Variants in TIAM2 observed in about 807,000 individuals in gnomAD.
TIAM2 encodes rho guanine nucleotide exchange factor TIAM2.
In TIAM2, 80 loss-of-function variants were observed where a neutral mutation model predicts 152.9. The ratio of observed to expected loss-of-function variants is 0.52; its 90% confidence interval spans 0.44 to 0.63. TIAM2 has a LOEUF of 0.63. Among genes scored for constraint, TIAM2 ranks in the 30% least tolerant of loss-of-function variants. TIAM2 has a pLI of 0.00. For synonymous variants in TIAM2, 804 were observed against 838.0 expected (o/e 0.96, Z 0.70); for missense variants, 1,965 against 2,120.1 (o/e 0.93, Z 1.44).
At chr6:155,229,632 C>A (rs1247590065) in intron 15 of TIAM2, among the ~76,000 whole-genome samples, 1 of 152,250 alleles carries the variant, frequency 6.6e-6, no homozygotes, top group Non-Finnish European at 1.5e-5. Context: ...TAGTCTCAAG[C>A]ACATTCTGAG....
intron 1 of TIAM2, among the ~76,000 whole-genome samples, chr6:155,042,370 C>T (rs1005967208): frequency 2.0e-5 from 3 of 151,874 alleles, no homozygotes; most frequent in Non-Finnish European, 2.9e-5. Flanking sequence ...CTGAGGCGGG[C>T]GGATCACCTG....
At chr6:155,073,378 G>A (rs1777884939) in intron 1 of TIAM2, among the ~76,000 whole-genome samples, 2 of 151,986 alleles carry the variant, frequency 1.3e-5, no homozygotes, top group South Asian at 4.2e-4. Flanking sequence ...GGCCAGGCTG[G>A]TCTCTAACTC....
intron 14 of TIAM2, among the ~76,000 whole-genome samples, chr6:155,187,912 A>G (rs981752892): frequency 1.3e-5 from 2 of 152,178 alleles, no homozygotes; most frequent in Middle Eastern, 3.4e-3. Context: ...AGGTGTGGAA[A>G]GCAGCCTTGG....
chr6:155,177,609 A>G (rs1780787748), intron 10 of TIAM2, among the ~76,000 whole-genome samples: 1 of 152,242 alleles, frequency 6.6e-6, no homozygotes, highest in Non-Finnish European at 1.5e-5. Flanking sequence ...AATACAATCA[A>G]CTATGTTGAA....
rs924316999 is a variant in TIAM2, at chr6:155,213,170, G to A, written c.3168+1863G>A. Among the ~76,000 whole-genome samples, 17 of 152,286 alleles carry A rather than the reference G, an allele frequency of 1.1e-4. No homozygotes were observed. In the Middle Eastern group the frequency reaches 0.01, roughly 91 times the overall value. On this transcript the variant is annotated intron_variant, in intron 15 of 26. Coordinates refer to ENST00000682666, the MANE Select transcript of TIAM2 (RefSeq NM_012454.4). The surrounding 1 kb of genome is among the most constrained non-coding windows in gnomAD (Gnocchi z 4.2). ...GTGTTGTAGCTCTTTCAGCCCTGCC[G>A]TTAGGCAGGTCCCGAATTCTTGTCC...
intron 2 of TIAM2, among the ~76,000 whole-genome samples, chr6:155,098,638 A>G (rs1583188620): frequency 6.6e-6 from 1 of 152,226 alleles, no homozygotes; most frequent in East Asian, 1.9e-4. Context: ...ACTTTGAACA[A>G]AAGGGTAATT....
rs12660144 is a variant in TIAM2 at position 155,212,985 on chromosome 6, A to T, written c.3168+1678A>T. On this transcript the variant is annotated intron_variant, in intron 15 of 26. Transcript: ENST00000682666. Reference sequence around the variant, plus strand: ...CCTGCATCAGTACCTGGAAGCTTGGAGATGCCAGGAACCGCTGAGCCCCAA... The same window carrying T: ...CCTGCATCAGTACCTGGAAGCTTGGTGATGCCAGGAACCGCTGAGCCCCAA... Among the ~76,000 whole-genome samples, 28 of 152,294 alleles carry T rather than the reference A, an allele frequency of 1.8e-4. No homozygotes were observed. The East Asian group carries it at 4.8e-3, about 26-fold the overall frequency.
At chr6:155,017,195 G>T (rs1490215654) in intron 1 of TIAM2, among the ~76,000 whole-genome samples, 1 of 152,190 alleles carries the variant, frequency 6.6e-6, no homozygotes, top group East Asian at 1.9e-4. Flanking sequence ...GGGATGGAAT[G>T]ATGGGACTTT....
At chr6:155,056,164 CTTCTT>C in intron 1 of TIAM2, among the ~76,000 whole-genome samples, 1 of 121,726 alleles carries the variant, frequency 8.2e-6, no homozygotes, top group African/African-American at 3.6e-5. Context: ...CCTTATTGTT[CTTCTT>C]TTTTTTTTTT....
chr6:155,131,714 G>T lies in TIAM2; in HGVS notation c.1194+1297G>T, dbSNP rs191487367. 8.4e-4 allele frequency among the ~76,000 whole-genome samples: 127 copies of T among 152,092 alleles called. 1 individual carries two copies. The highest frequency in any genetic ancestry group is 6.8e-3 in the East Asian group (35 of 5,158). ...GCTGCCTCAGCCTCCTGAGTAGCTG[G>T]CATTACAGGCGTGCACCACCATGCC... On this transcript the variant is annotated intron_variant, in intron 4 of 26. Coordinates refer to ENST00000682666, the MANE Select transcript of TIAM2 (RefSeq NM_012454.4).
In TIAM2 at chr6:154,997,363, T is replaced by C. The variant is rs147152719; in HGVS notation, c.-209+1871T>C. The stretch of plus-strand genomic sequence containing the variant: ...CCTCTGGCACTGCCACCTTGCACAG[T>C]TGTTCAGGCTGTTCACTACACAAGG... On this transcript the variant is annotated intron_variant, in intron 1 of 26. Coordinates refer to ENST00000682666, the MANE Select transcript of TIAM2 (RefSeq NM_012454.4). Among the ~76,000 whole-genome samples, 669 of 152,292 alleles carry C rather than the reference T, an allele frequency of 4.4e-3. 11 individuals are homozygous for C. Among genetic ancestry groups the C allele is most frequent in the African/African-American group, 0.015 (627 of 41,552 alleles).
rs372649506 is a variant in TIAM2, at chr6:155,169,156, C to T, written c.2361+3747C>T. On this transcript the variant is annotated intron_variant, in intron 9 of 26. Transcript: ENST00000682666. ...GACTACAGGCGCCCGCCACCACGCC[C>T]GGCTAATTTTTTGTGTTTTTAGTAG... 6.6e-5 allele frequency among the ~76,000 whole-genome samples: 10 copies of T among 152,146 alleles called. No individual in the cohort carries two copies. The East Asian group carries it at 7.7e-4, about 12-fold the overall frequency.
chr6:155,055,272 A>AG (rs1292560896), intron 1 of TIAM2, among the ~76,000 whole-genome samples: 9 of 152,214 alleles, frequency 5.9e-5, no homozygotes, highest in Non-Finnish European at 7.3e-5. Flanking sequence ...ACAGCAGTTT[A>AG]GACATTCCAG....
chr6:155,247,884 A>G, intron 19 of TIAM2, 116 bp from the exon 20 acceptor site: 1 of 1,328,972 alleles, frequency 7.5e-7, no homozygotes, highest in Non-Finnish European at 1.0e-6. Context: ...GTTTTCATTA[A>G]AGAATGGCAT....
chr6:155,067,641 G>C lies in TIAM2; in HGVS notation c.-208-22648G>C, dbSNP rs768574280. 2.0e-3 allele frequency among the ~76,000 whole-genome samples: 133 copies of C among 67,460 alleles called. 2 individuals are homozygous for C. The Middle Eastern group carries it at 0.045, about 23-fold the overall frequency. The allele number at this position is 67,460 out of a possible 152,430, so 44.3% of individuals were successfully genotyped here. On this transcript the variant is annotated intron_variant, in intron 1 of 26. Transcript: ENST00000682666. ...GATGAGGGTTAGGGATGATGATGAT[G>C]TTGATGATGATGATTTTGAGACAGG...
At chr6:155,211,678 A>G (rs773550285) in intron 15 of TIAM2, among the ~76,000 whole-genome samples, 3 of 151,144 alleles carry the variant, frequency 2.0e-5, no homozygotes, top group Non-Finnish European at 2.9e-5. Context: ...TTGGCTGAAG[A>G]TAAATTATTT....
At chr6:155,028,014 A>T (rs1298913965) in intron 1 of TIAM2, among the ~76,000 whole-genome samples, 1 of 131,362 alleles carries the variant, frequency 7.6e-6, no homozygotes, top group Non-Finnish European at 1.5e-5. Flanking sequence ...TAATATATGT[A>T]CTGTGTTATA....
At chr6:155,144,269 G>T (rs1186691350) in intron 5 of TIAM2, among the ~76,000 whole-genome samples, 1 of 152,178 alleles carries the variant, frequency 6.6e-6, no homozygotes, top group Non-Finnish European at 1.5e-5. Flanking sequence ...TACTTTTTGG[G>T]TCACAGTAGA....
chr6:155,176,732 G>C (rs1302817509), intron 9 of TIAM2, 84 bp from the exon 10 acceptor site: 1 of 1,461,510 alleles, frequency 6.8e-7, no homozygotes, highest in Non-Finnish European at 9.4e-7. Context: ...TAAATACTCC[G>C]TAAATGAACA....
Sources: gnomAD v4.1 joint callset for allele counts (sites outside exome capture counted in the v4.1 genomes callset) on GRCh38, gnomAD v4.1.1 for gene constraint, Gnocchi (gnomAD v3.1) non-coding constraint, MANE v1.5 for transcripts, NCBI Gene and HGNC (gene_info 2026-07-23, HGNC 2026-07-21) for gene names.